The following CUL5 variants were observed in gnomAD, a reference collection of about 807,000 sequenced individuals.
CUL5 encodes the protein cullin-5.
CUL5 carries 26 observed loss-of-function variants against 108.8 expected under a neutral mutation model. That is an observed-to-expected ratio of 0.24 (90% CI 0.18 to 0.33). The LOEUF is 0.33. CUL5 is among the 10% of genes least tolerant of loss of function. The pLI is 1.00. For synonymous variants in CUL5, 334 were observed against 298.0 expected, an observed-to-expected ratio of 1.12 and a Z score of -1.25; for missense variants, 524 against 909.2, an observed-to-expected ratio of 0.58 and a Z score of 5.45.
At chr11:108,010,383 T>C (rs989303776) in intron 1 of CUL5, among the ~76,000 whole-genome samples, 2 of 152,264 alleles carry the variant, frequency 1.3e-5, no homozygotes, top group Non-Finnish European at 2.9e-5. Context: ...CTAACCATCA[T>C]GTCTTCTTTA....
intron 1 of CUL5, among the ~76,000 whole-genome samples, chr11:108,020,451 TA>T (rs1156746740): frequency 1.3e-5 from 2 of 152,056 alleles, no homozygotes; most frequent in Non-Finnish European, 2.9e-5. Flanking sequence ...AGATTGAGAA[TA>T]AAAAACCTTT....
intron 1 of CUL5, among the ~76,000 whole-genome samples, chr11:108,033,579 A>T (rs1862649279): frequency 6.6e-6 from 1 of 152,212 alleles, no homozygotes; most frequent in African/African-American, 2.4e-5. Flanking sequence ...TCCTTGGACA[A>T]GGCCAAATTC....
intron 1 of CUL5, among the ~76,000 whole-genome samples, chr11:108,023,361 A>G (rs1049272691): frequency 6.6e-6 from 1 of 152,340 alleles, no homozygotes; most frequent in Non-Finnish European, 1.5e-5. Context: ...AGTGCAATTT[A>G]TACATTTTTT....
At chr11:108,061,351 A>G (rs1863527707) in intron 7 of CUL5, among the ~76,000 whole-genome samples, 1 of 152,262 alleles carries the variant, frequency 6.6e-6, no homozygotes, top group Non-Finnish European at 1.5e-5. Context: ...CTCATTTGAA[A>G]TAAGGAGAGA....
At chr11:108,099,896 C>CA (rs1242058119) in intron 18 of CUL5, among the ~76,000 whole-genome samples, 54 of 139,268 alleles carry the variant, frequency 3.9e-4, no homozygotes, top group Middle Eastern at 4.4e-3. Flanking sequence ...ATAACTTAAA[C>CA]AAAAAAAAAA....
chr11:108,095,987 T>C (rs1864482117), intron 16 of CUL5, among the ~76,000 whole-genome samples: 1 of 151,102 alleles, frequency 6.6e-6, no homozygotes, highest in Non-Finnish European at 1.5e-5. Flanking sequence ...TCCCAGCTAC[T>C]TGGGAGGCTG....
chr11:108,040,712 A>G (rs1402827826), intron 2 of CUL5, among the ~76,000 whole-genome samples: 1 of 151,768 alleles, frequency 6.6e-6, no homozygotes, highest in Non-Finnish European at 1.5e-5. Flanking sequence ...TGAGCACAGG[A>G]GTTTTAAGTT....
At chr11:108,017,251 G>A (rs916144872) in intron 1 of CUL5, among the ~76,000 whole-genome samples, 7 of 151,930 alleles carry the variant, frequency 4.6e-5, no homozygotes, top group African/African-American at 1.7e-4. Flanking sequence ...ATACCTGGGG[G>A]TGGTGGTGTA....
In CUL5 at chr11:108,016,797, C is replaced by CA. The variant is rs59142867; in HGVS notation, c.24+7434dup. On this transcript the variant is annotated intron_variant, in intron 1 of 18. Transcript: ENST00000393094. ...GCAACCCCATTTGTACAAAAACAAACAAAAAAAAACAAACAAAAAGCAGGA... is the reference window on the plus strand; with the variant it reads ...GCAACCCCATTTGTACAAAAACAAACAAAAAAAAAACAAACAAAAAGCAGGA... Among the ~76,000 whole-genome samples the CA allele has an allele frequency of 7.7e-3, 1,151 of 149,676 alleles. 14 individuals carry two copies. Among genetic ancestry groups the CA allele is most frequent in the African/African-American group, 0.023 (939 of 40,766 alleles).
At chr11:108,055,927 G>A (rs558626434) in intron 7 of CUL5, among the ~76,000 whole-genome samples, 2 of 152,190 alleles carry the variant, frequency 1.3e-5, no homozygotes, top group South Asian at 2.1e-4. Context: ...CACTGCACCC[G>A]GCCACCTGGC....
chr11:108,056,488 C>T (rs935571629), intron 7 of CUL5, among the ~76,000 whole-genome samples: 3 of 152,114 alleles, frequency 2.0e-5, no homozygotes. Context: ...CCTTGATTTG[C>T]AGTATGTATC....
chr11:108,081,404 A>G (rs997735741), intron 11 of CUL5, among the ~76,000 whole-genome samples: 1 of 151,958 alleles, frequency 6.6e-6, no homozygotes, highest in South Asian at 2.1e-4. Flanking sequence ...ATATTTTTGC[A>G]TGTGGATACC....
intron 3 of CUL5, among the ~76,000 whole-genome samples, chr11:108,047,522 AT>A (rs1411399455): frequency 6.6e-6 from 1 of 152,222 alleles, no homozygotes; most frequent in Non-Finnish European, 1.5e-5. Flanking sequence ...AGATATTGAA[AT>A]CAAGTATATG....
intron 7 of CUL5, among the ~76,000 whole-genome samples, chr11:108,064,508 G>A (rs1863625761): frequency 6.6e-6 from 1 of 152,110 alleles, no homozygotes; most frequent in Non-Finnish European, 1.5e-5. Context: ...AGAAGTTTGA[G>A]ACCAGCCTGG....
At chr11:108,013,989 T>C (rs1467897093) in intron 1 of CUL5, among the ~76,000 whole-genome samples, 2 of 152,206 alleles carry the variant, frequency 1.3e-5, no homozygotes, top group South Asian at 2.1e-4. Flanking sequence ...TGCAAAGATA[T>C]GTAGAACAAT....
chr11:108,097,746 C>A lies in CUL5; in HGVS notation c.2016C>A (p.Phe672Leu). 1 of 1,567,272 alleles carries A rather than the reference C, an allele frequency of 6.4e-7. No individual in the cohort carries two copies. Among genetic ancestry groups the A allele is most frequent in the Non-Finnish European group, 8.8e-7 (1 of 1,138,632 alleles). The change falls in exon 17 of 19, where the codon TTC becomes TTA. Residue 672 changes from phenylalanine to leucine, a missense_variant. Phe to Leu is a conservative substitution (Grantham distance 22, BLOSUM62 0). Coordinates refer to ENST00000393094, the MANE Select transcript of CUL5 (RefSeq NM_003478.6). ...EGTLFSVNQE[F>L]SLIKNAKVQK... ...CCCTCTTCTCAGTGAACCAGGAGTT[C>A]AGTTTAATGTAAGCTCGTTAGTTGA...
chr11:108,094,572 T>G, intron 14 of CUL5, 58 bp downstream of exon 14: 1 of 1,064,764 alleles, frequency 9.4e-7, no homozygotes, highest in Non-Finnish European at 1.3e-6. Context: ...ATCTTTGTTT[T>G]CCAGTAAATT....
chr11:108,080,654 A>G (rs1351196260), intron 11 of CUL5, among the ~76,000 whole-genome samples: 2 of 152,056 alleles, frequency 1.3e-5, no homozygotes, highest in African/African-American at 2.4e-5. Flanking sequence ...TCGGCATCCC[A>G]AAGTGCTGGG....
chr11:108,030,130 G>A (rs1862542863), intron 1 of CUL5, among the ~76,000 whole-genome samples: 1 of 152,168 alleles, frequency 6.6e-6, no homozygotes. Context: ...AAAAAGTAAT[G>A]TGAGGCCAGG....
Sources: gnomAD v4.1 joint callset for allele counts (sites outside exome capture counted in the v4.1 genomes callset) on GRCh38, gnomAD v4.1.1 for gene constraint, MANE v1.5 for transcripts, NCBI Gene and HGNC (gene_info 2026-07-23, HGNC 2026-07-21) for gene names.